Variants in DNAH7 observed in about 807,000 individuals in gnomAD.
DNAH7 encodes the protein axonemal beta dynein heavy chain 7.
A neutral mutation model predicts 444.6 loss-of-function variants in DNAH7; 397 were observed. The observed-to-expected ratio is 0.89, with a 90% CI of 0.82 to 0.97. The LOEUF (loss-of-function observed/expected upper bound fraction) is 0.97, where lower values mean the gene tolerates loss of function less well. Ranked by LOEUF, DNAH7 falls within the 50% of genes least tolerant of loss-of-function variation. The pLI, the probability that DNAH7 is intolerant of heterozygous loss-of-function variation, is 0.00. For synonymous variants in DNAH7, 1,636 were observed against 1,624.4 expected (o/e 1.01, Z -0.17); for missense variants, 4,902 against 4,800.8 (o/e 1.02, Z -0.62).
Position 195,794,409 on chromosome 2 carries a change from C to A in DNAH7, c.10645G>T (p.Ala3549Ser). 1 of 1,614,114 alleles carries A rather than the reference C, an allele frequency of 6.2e-7. No homozygotes were observed. The highest frequency in any genetic ancestry group is 8.5e-7 in the Non-Finnish European group (1 of 1,180,010). ...MTNEAPKGLR[A>S]NIIRSYLMDP... is the part of the protein sequence containing the mutation. ...ATGAGGTATGATCGAATGATATTAG[C>A]CCGTAAACCTTTTGGTGCTTCATTG... Residue 3549 changes from alanine (A) to serine (S), a missense_variant, in exon 57 of 65, where the codon GCT becomes TCT. Ala to Ser is a moderately conservative substitution (Grantham distance 99). Transcript: ENST00000312428.
At chr2:195,956,443 G>C (rs1690661363) in intron 19 of DNAH7, among the ~76,000 whole-genome samples, 1 of 152,172 alleles carries the variant, frequency 6.6e-6, no homozygotes. Flanking sequence ...TTGAGGTCAA[G>C]AGATCGAGAC....
chr2:196,049,151 C>T (rs1351464697), intron 3 of DNAH7, among the ~76,000 whole-genome samples: 1 of 152,070 alleles, frequency 6.6e-6, no homozygotes, highest in Non-Finnish European at 1.5e-5. Flanking sequence ...CTTTCAAATC[C>T]AAACCAACTT....
At chr2:195,904,899 CTCTT>C (rs1178971411) in intron 27 of DNAH7, 17 of 152,112 alleles carry the variant, frequency 1.1e-4, no homozygotes, top group Non-Finnish European at 1.5e-5. Flanking sequence ...GAATATGTAA[CTCTT>C]TCATTTCAGA....
intron 10 of DNAH7, among the ~76,000 whole-genome samples, chr2:196,002,411 C>T (rs938300612): frequency 8.6e-5 from 13 of 151,908 alleles, no homozygotes; most frequent in African/African-American, 2.4e-4. Flanking sequence ...AACAAAGTTT[C>T]GAATGTGTAT....
chr2:195,947,941 C>G (rs1574852071), intron 19 of DNAH7, among the ~76,000 whole-genome samples: 1 of 152,174 alleles, frequency 6.6e-6, no homozygotes, highest in African/African-American at 2.4e-5. Flanking sequence ...TCCTTCACAG[C>G]CCCTCCAGCA....
At chr2:195,877,446 C>T (rs1429164400) in intron 36 of DNAH7, among the ~76,000 whole-genome samples, 1 of 152,176 alleles carries the variant, frequency 6.6e-6, no homozygotes, top group East Asian at 1.9e-4. Context: ...GCATTAAATG[C>T]TTGCAGCATT....
intron 64 of DNAH7, among the ~76,000 whole-genome samples, chr2:195,739,692 C>T (rs1692874347): frequency 6.6e-6 from 1 of 152,184 alleles, no homozygotes; most frequent in Admixed American, 6.5e-5. Flanking sequence ...GTGGATTCCA[C>T]ATTTCCAAAT....
chr2:195,860,468 G>T (rs1179985320), intron 42 of DNAH7, among the ~76,000 whole-genome samples: 3 of 152,074 alleles, frequency 2.0e-5, no homozygotes, highest in African/African-American at 7.2e-5. Flanking sequence ...AGCAGTCACG[G>T]TGGGCACTGC....
intron 35 of DNAH7, among the ~76,000 whole-genome samples, chr2:195,883,575 T>C (rs143142591): frequency 3.7e-4 from 56 of 151,664 alleles, no homozygotes; most frequent in Middle Eastern, 3.4e-3. Context: ...ACTTGCAAAA[T>C]AATCTTATCC....
chr2:195,861,611 G>T, intron 42 of DNAH7, 106 bp downstream of exon 42: 1 of 785,874 alleles, frequency 1.3e-6, no homozygotes, highest in Non-Finnish European at 2.0e-6. Context: ...AAAACTTACA[G>T]TATATTTCTA....
intron 24 of DNAH7, among the ~76,000 whole-genome samples, chr2:195,919,928 T>C (rs1452555608): frequency 1.3e-5 from 2 of 152,148 alleles, no homozygotes; most frequent in East Asian, 3.9e-4. Context: ...AGTAGGCTTG[T>C]GTATAGCAAG....
chr2:195,960,208 C>G, intron 18 of DNAH7, 52 bp downstream of exon 18: 6 of 1,417,930 alleles, frequency 4.2e-6, no homozygotes, highest in Non-Finnish European at 5.7e-6. Context: ...ACATTAAACA[C>G]AAGTGATTTT....
chr2:195,788,311 C>T (rs912627485), intron 57 of DNAH7, among the ~76,000 whole-genome samples: 1 of 152,172 alleles, frequency 6.6e-6, no homozygotes, highest in African/African-American at 2.4e-5. Flanking sequence ...ACTCCATCTT[C>T]CCCCAAGGGC....
chr2:195,900,191 A>C, intron 28 of DNAH7, 91 bp downstream of exon 28: 1 of 1,379,968 alleles, frequency 7.2e-7, no homozygotes, highest in Non-Finnish European at 1.0e-6. Context: ...CAATTAAGGA[A>C]ACCAACAAGT....
chr2:195,985,292 GGA>G (rs1692831026), intron 14 of DNAH7, among the ~76,000 whole-genome samples: 1 of 152,204 alleles, frequency 6.6e-6, no homozygotes, highest in African/African-American at 2.4e-5. Flanking sequence ...GAAAGGTGAA[GGA>G]GAGTGGAACA....
Position 195,957,279 on chromosome 2 carries a change from T to TCTC in DNAH7, c.3059_3060insGAG (p.Ile1020delinsMetArg). 1.3e-6 allele frequency: 2 copies of TCTC among 1,564,588 alleles called. No individual in the cohort carries two copies. The highest frequency in any genetic ancestry group is 1.7e-6 in the Non-Finnish European group (2 of 1,146,516). On this transcript the variant is annotated protein_altering_variant, in exon 19 of 65. Transcript: ENST00000312428. ...CACCTACCTGCATGACACTTCTCAT[T>TCTC]ATATCTCTCCATGTCTTATCCACAG...
chr2:195,820,133 A>G (rs887891094), intron 49 of DNAH7, among the ~76,000 whole-genome samples: 35 of 152,174 alleles, frequency 2.3e-4, no homozygotes, highest in African/African-American at 8.2e-4. Context: ...TTTCTACCAC[A>G]TGTATCAGAA....
chr2:195,898,540 A>G (rs1686484067), intron 28 of DNAH7, among the ~76,000 whole-genome samples: 1 of 152,206 alleles, frequency 6.6e-6, no homozygotes, highest in Admixed American at 6.5e-5. Context: ...TTTTCGCACC[A>G]TGCAGTTAGA....
intron 23 of DNAH7, among the ~76,000 whole-genome samples, chr2:195,923,255 A>G (rs1270664297): frequency 1.3e-5 from 2 of 152,156 alleles, no homozygotes; most frequent in African/African-American, 4.8e-5. Flanking sequence ...ACAATTTTAA[A>G]CTGACTAGTC....
Sources: gnomAD v4.1 joint callset for allele counts (sites outside exome capture counted in the v4.1 genomes callset) on GRCh38, gnomAD v4.1.1 for gene constraint, MANE v1.5 for transcripts, NCBI Gene and HGNC (gene_info 2026-07-23, HGNC 2026-07-21) for gene names.